Variants in GGN observed in about 807,000 individuals in gnomAD.
The protein encoded by GGN is gametogenetin.
A neutral mutation model predicts 35.5 loss-of-function variants in GGN; 27 were observed. The ratio of observed to expected loss-of-function variants is 0.76; its 90% CI spans 0.56 to 1.05. GGN has a LOEUF of 1.05. Ranked by LOEUF, GGN falls within the 50% of genes least tolerant of loss-of-function variation. The probability of loss-of-function intolerance (pLI) is 0.00; values close to 1 mark genes in which losing one functional copy is unlikely to be tolerated. For missense variants in GGN, 1,006 were observed against 940.7 expected (o/e 1.07, Z -0.91); for synonymous variants, 425 against 444.1 (o/e 0.96, Z 0.54).
intron 3 of GGN, 138 bp downstream of exon 3, chr19:38,385,283 G>A: frequency 8.4e-7 from 1 of 1,184,180 alleles, no homozygotes; most frequent in South Asian, 1.5e-5. Flanking sequence ...GTCCTGAAGG[G>A]TGGGAGCTCA....
Position 38,385,905 on chromosome 19 carries a change from CTGGTGGCTGCAG to C in GGN, c.1345_1356del (p.Leu449_Pro452del). On this transcript the variant is annotated inframe_deletion, in exon 3 of 4. Coordinates refer to ENST00000334928, the MANE Select transcript of GGN (RefSeq NM_152657.4). The stretch of plus-strand genomic sequence containing the variant: ...ACCGGCAGCGGCGTTGGCTGGAGCG[CTGGTGGCTGCAG>C]TGTGGGCGGCGGTGTGGGCGGTGGC... 3.8e-6 allele frequency: 6 copies of C among 1,563,694 alleles called. No individual in the cohort carries two copies. The highest frequency in any genetic ancestry group is 5.2e-6 in the Non-Finnish European group (6 of 1,156,512).
rs2145144306 is a variant in GGN at position 38,387,610 on chromosome 19, C to G, written c.-20+151G>C. On this transcript the variant is annotated intron_variant, in intron 2 of 3. Transcript: ENST00000334928. The surrounding 1 kb of genome is among the most constrained non-coding windows in gnomAD (Gnocchi z 5.3). The stretch of plus-strand genomic sequence containing the variant: ...CCGCCTCTCTCTAGAGCACCTGGGT[C>G]CCGCCCTCTTCCCAGGCAGGGGCAG... Among the ~76,000 whole-genome samples the G allele has an allele frequency of 6.6e-6, 1 of 152,336 alleles. No homozygotes were observed.
chr19:38,385,377 G>T, intron 3 of GGN, 44 bp downstream of exon 3: 1 of 1,611,456 alleles, frequency 6.2e-7, no homozygotes, highest in Non-Finnish European at 8.5e-7. Context: ...ACTCTATCCA[G>T]CAGTCTGGGG....
At chr19:38,385,255 G>A (rs764946715) in intron 3 of GGN, among the ~76,000 whole-genome samples, 166 bp downstream of exon 3, 20 of 152,200 alleles carry the variant, frequency 1.3e-4, no homozygotes, top group Non-Finnish European at 2.4e-4. Flanking sequence ...GGTCAGCATG[G>A]GATCATGGGT....
At chr19:38,388,306 C>T (rs1371534776), upstream of GGN, 10 of 390,746 alleles carry the variant, frequency 2.6e-5, 1 homozygote, top group African/African-American at 2.1e-4. Flanking sequence ...ACGCACTAGT[C>T]CTCGCCTGCA....
In GGN at chr19:38,386,518, C is replaced by T. The variant is rs773948583; in HGVS notation, c.744G>A (p.Lys248=). 2 of 1,613,062 alleles carry T rather than the reference C, an allele frequency of 1.2e-6. No individual in the cohort carries two copies. Among genetic ancestry groups the T allele is most frequent in the South Asian group, 2.2e-5 (2 of 91,092 alleles). ...GLSLLCKITF[K]SRPSLAPPAA... is the part of the protein sequence containing the mutation. ...CCGGAGGGGCCAAAGAGGGCCTCGA[C>T]TTGAAGGTGATTTTACACAGCAGGC... Residue 248 remains lysine, a synonymous_variant, in exon 3 of 4, where the codon AAG becomes AAA. Coordinates refer to ENST00000334928, the MANE Select transcript of GGN (RefSeq NM_152657.4).
chr19:38,385,445 C>A lies in GGN; in HGVS notation c.1817G>T (p.Arg606Leu), dbSNP rs766530005. ...CYCHHQPRHR[R>L]LPRNVSAWLS... is the part of the protein sequence containing the mutation. ...CCAGGCAGAGACGTTGCGTGGCAGG[C>A]GGCGATGGCGTGGCTGGTGGTGGCA... Residue 606 changes from arginine to leucine, a missense_variant, in exon 3 of 4, where the codon CGC becomes CTC. Coordinates refer to ENST00000334928, the MANE Select transcript of GGN (RefSeq NM_152657.4). 2 of 1,614,092 alleles carry A rather than the reference C, an allele frequency of 1.2e-6. No individual in the cohort carries two copies. The highest frequency in any genetic ancestry group is 3.3e-5 in the Admixed American group (2 of 60,024).
rs143418011 is a variant in GGN, at chr19:38,385,632, G to T, written c.1630C>A (p.His544Asn). The T allele has an allele frequency of 6.2e-7, 1 of 1,614,002 alleles. No homozygotes were observed. The highest frequency in any genetic ancestry group is 1.3e-5 in the African/African-American group (1 of 74,950). Reference sequence around the variant, plus strand: ...GCTCGTTCGCGAGGACCATCTCCATGCAAGCCATCCTTACGGGTCGCGCCC... The same window carrying T: ...GCTCGTTCGCGAGGACCATCTCCATTCAAGCCATCCTTACGGGTCGCGCCC... Reference protein sequence around the residue: ...ARGATRKDGLHGDGPRERATA... With the variant: ...ARGATRKDGLNGDGPRERATA... Residue 544 changes from histidine (H) to asparagine (N), a missense_variant, in exon 3 of 4, where the codon CAT (histidine) becomes AAT (asparagine). By Grantham distance (68) the His-to-Asn change is moderately conservative. Transcript: ENST00000334928.
In GGN at chr19:38,386,193, G is replaced by T. The variant is rs887832249; in HGVS notation, c.1069C>A (p.Pro357Thr). 6.2e-6 allele frequency: 10 copies of T among 1,602,570 alleles called. No homozygotes were observed. The African/African-American group carries it at 1.1e-4, about 17-fold the overall frequency. ...CGGAAGTGGCGTTCAGGGCCGTCGG[G>T]AGCGCTAACCCAGTCGAATTTGGGC... The part of the protein sequence containing the change: ...SKPKFDWVSA[P>T]DGPERHFRFN... Residue 357 changes from proline to threonine, a missense_variant, in exon 3 of 4, where the codon CCC (proline) becomes ACC (threonine). Pro to Thr is a conservative substitution (Grantham distance 38). Transcript: ENST00000334928.
In GGN at chr19:38,385,916, A is replaced by T. The variant is rs1970708212; in HGVS notation, c.1346T>A (p.Leu449Gln). The T allele has an allele frequency of 5.7e-6, 9 of 1,571,424 alleles. No individual in the cohort carries two copies. The highest frequency in any genetic ancestry group is 7.8e-6 in the Non-Finnish European group (9 of 1,160,470). The change falls in exon 3 of 4, where the codon CTG becomes CAG. Residue 449 changes from leucine to glutamine, a missense_variant. Coordinates refer to ENST00000334928, the MANE Select transcript of GGN (RefSeq NM_152657.4). ...PLPPPTPPPT[L>Q]QPPALQPTPL... Reference sequence around the variant, plus strand: ...CGTTGGCTGGAGCGCTGGTGGCTGCAGTGTGGGCGGCGGTGTGGGCGGTGG... The same window carrying T: ...CGTTGGCTGGAGCGCTGGTGGCTGCTGTGTGGGCGGCGGTGTGGGCGGTGG...
upstream of GGN, chr19:38,388,378 C>G: frequency 2.5e-6 from 1 of 397,284 alleles, no homozygotes. Flanking sequence ...GCTCCCCTCT[C>G]GCCCCACCCC....
Position 38,386,961 on chromosome 19 carries a change from C to CG in GGN, c.300dup (p.Ala101ArgfsTer10). 6.5e-7 allele frequency: 1 copy of CG among 1,537,868 alleles called. No individual in the cohort carries two copies. Among genetic ancestry groups the CG allele is most frequent in the African/African-American group, 1.4e-5 (1 of 72,864 alleles). Reference sequence around the variant, plus strand: ...GACGGGCCGGGCAGCAGAGTCCCCGCGGGGGCCGGGGGTGGTGCAGAGACC... The same window carrying CG: ...GACGGGCCGGGCAGCAGAGTCCCCGCGGGGGGCCGGGGGTGGTGCAGAGACC... On this transcript the variant is annotated frameshift_variant, in exon 3 of 4. Coordinates refer to ENST00000334928, the MANE Select transcript of GGN (RefSeq NM_152657.4). LOFTEE classifies it high-confidence loss of function.
In GGN at chr19:38,387,224, C is replaced by A. The variant is rs776523587; in HGVS notation, c.38G>T (p.Gly13Val). ...NLQSEPSAGG[G>V]SRKVQPSDRA... ...GTCCGAGGGCTGCACTTTTCGGGAG[C>A]CCCCGCCCGCGGATGGCTCCGACTG... Residue 13 changes from glycine to valine, a missense_variant, in exon 3 of 4, where the codon GGC (glycine) becomes GTC (valine). Gly to Val is a moderately radical substitution (Grantham distance 109). Coordinates refer to ENST00000334928, the MANE Select transcript of GGN (RefSeq NM_152657.4). The surrounding 1 kb of genome is among the most constrained non-coding windows in gnomAD (Gnocchi z 5.3). 5.0e-6 allele frequency: 8 copies of A among 1,594,506 alleles called. No individual in the cohort carries two copies. The highest frequency in any genetic ancestry group is 6.0e-6 in the Non-Finnish European group (7 of 1,171,754).
In GGN at chr19:38,386,954, G is replaced by A. The variant is rs1029512440; in HGVS notation, c.308C>T (p.Thr103Ile). The A allele has an allele frequency of 6.5e-6, 10 of 1,543,238 alleles. No individual in the cohort carries two copies. Among genetic ancestry groups the A allele is most frequent in the Middle Eastern group, 1.8e-4 (1 of 5,408 alleles). Residue 103 changes from threonine (T) to isoleucine (I), a missense_variant, in exon 3 of 4, where the codon ACT becomes ATT. Physicochemically the swap from Thr to Ile is moderately conservative, Grantham distance 89 (BLOSUM62 -1). Coordinates refer to ENST00000334928, the MANE Select transcript of GGN (RefSeq NM_152657.4). ...VSAPPPAPAG[T>I]LLPGPSKWQK... Reference sequence around the variant, plus strand: ...CCATTTAGACGGGCCGGGCAGCAGAGTCCCCGCGGGGGCCGGGGGTGGTGC... The same window carrying A: ...CCATTTAGACGGGCCGGGCAGCAGAATCCCCGCGGGGGCCGGGGGTGGTGC...
chr19:38,384,642 A>G, intron 3 of GGN, 113 bp from the exon 4 acceptor site: 1 of 780,864 alleles, frequency 1.3e-6, no homozygotes, highest in South Asian at 1.6e-5. Flanking sequence ...CTATATTGGA[A>G]TATCCCAAAG....
Position 38,385,716 on chromosome 19 carries a change from G to A in GGN, c.1546C>T (p.Pro516Ser), listed in dbSNP as rs1297047535. Residue 516 changes from proline (P) to serine (S), a missense_variant, in exon 3 of 4, where the codon CCC becomes TCC. Physicochemically the swap from Pro to Ser is moderately conservative, Grantham distance 74 (BLOSUM62 -1). Transcript: ENST00000334928. ...EPSPPVSAPA[P>S]AAAPIKTRTR... ...CGGGTCTTGATGGGCGCAGCCGCGG[G>A]TGCGGGCGCGGACACAGGCGGCGAG... The A allele has an allele frequency of 1.2e-6, 2 of 1,610,506 alleles. No individual in the cohort carries two copies. The highest frequency in any genetic ancestry group is 1.7e-6 in the Non-Finnish European group (2 of 1,178,768).
rs1226307330 is a variant in GGN at position 38,385,669 on chromosome 19, G to A, written c.1593C>T (p.Ser531=). 1 of 1,613,780 alleles carries A rather than the reference G, an allele frequency of 6.2e-7. No individual in the cohort carries two copies. Residue 531 remains serine (S), a synonymous_variant, in exon 3 of 4, where the codon TCC becomes TCT. Transcript: ENST00000334928. ...TACGGGTCGCGCCCCGGGCTGCACG[G>A]GAACCCTTGTTCCTGCGCGTGCGGG... ...IKTRTRRNKG[S]RAARGATRKD...
At position 38,386,137 on chromosome 19, in the gene GGN, C is replaced by T. The variant is rs542125426; in HGVS notation, c.1125G>A (p.Ala375=). Residue 375 remains alanine (A), a synonymous_variant, in exon 3 of 4, where the codon GCG becomes GCA. Transcript: ENST00000334928. ...AGAGTGCGGCCGCACGCCGTCGCGGCGCCCCGATGCCTCCGCCAGCCCCGT... is the reference window on the plus strand; with the variant it reads ...AGAGTGCGGCCGCACGCCGTCGCGGTGCCCCGATGCCTCCGCCAGCCCCGT... ...RFNGAGGGIG[A]PRRRAAALSG... 6 of 1,580,418 alleles carry T rather than the reference C, an allele frequency of 3.8e-6. No individual in the cohort carries two copies. Among genetic ancestry groups the T allele is most frequent in the Middle Eastern group, 1.7e-4 (1 of 6,032 alleles).
In GGN at chr19:38,386,815, CCGGGGCGG is replaced by C; in HGVS notation, c.439_446del (p.Pro147AlafsTer31). 1 of 1,608,904 alleles carries C rather than the reference CCGGGGCGG, an allele frequency of 6.2e-7. No homozygotes were observed. The highest frequency in any genetic ancestry group is 8.5e-7 in the Non-Finnish European group (1 of 1,177,054). ...GGACAGTGTCCTTCACGGATAGTTG[CCGGGGCGG>C]CGGCGGCGGCTTCAGCGGGCGGAGG... On this transcript the variant is annotated frameshift_variant, in exon 3 of 4. Transcript: ENST00000334928. LOFTEE classifies it high-confidence loss of function.
Sources: allele counts gnomAD v4.1 joint callset (sites outside exome capture counted in the v4.1 genomes callset), GRCh38; gene constraint gnomAD v4.1.1; non-coding constraint Gnocchi (gnomAD v3.1); transcripts MANE v1.5; gene names NCBI Gene and HGNC (gene_info 2026-07-23, HGNC 2026-07-21).